Variants in FRMD4B observed in about 807,000 individuals in gnomAD.
FRMD4B encodes FERM domain-containing protein 4B.
FRMD4B carries 74 observed loss-of-function variants against 141.5 expected under a neutral mutation model. The ratio of observed to expected loss-of-function variants is 0.52; its 90% confidence interval spans 0.43 to 0.63. FRMD4B has a LOEUF of 0.63. FRMD4B is among the 30% of genes least tolerant of loss of function. FRMD4B has a pLI of 0.00. For missense variants in FRMD4B, 1,366 were observed against 1,253.4 expected (o/e 1.09, Z -1.36); for synonymous variants, 506 against 467.9 (o/e 1.08, Z -1.05).
chr3:69,267,646 G>T (rs1306587783), intron 5 of FRMD4B, among the ~76,000 whole-genome samples: 42 of 31,468 alleles, frequency 1.3e-3, no homozygotes, highest in Middle Eastern at 0.014. Context: ...TAGAGAGAGA[G>T]AGAGAGAGAG....
chr3:69,277,791 A>G lies in FRMD4B; in HGVS notation c.501+9961T>C, dbSNP rs370710848. Among the ~76,000 whole-genome samples the G allele has an allele frequency of 7.8e-4, 119 of 151,838 alleles. 2 individuals are homozygous for G. The highest frequency in any genetic ancestry group is 2.6e-3 in the African/African-American group (108 of 41,412). On this transcript the variant is annotated intron_variant, in intron 5 of 22. Coordinates refer to ENST00000398540, the MANE Select transcript of FRMD4B (RefSeq NM_015123.3). ...GTGATCCACCTGCCTTGGCCTCCCA[A>G]AGTGATGGGATTACAGGCGTGAGCC...
intron 11 of FRMD4B, among the ~76,000 whole-genome samples, chr3:69,203,047 T>C (rs1373792190): frequency 6.6e-6 from 1 of 151,678 alleles, no homozygotes; most frequent in East Asian, 1.9e-4. Flanking sequence ...TATAAAATAT[T>C]GTCATCACAA....
intron 4 of FRMD4B, among the ~76,000 whole-genome samples, chr3:69,292,100 C>A (rs1402887258): frequency 6.6e-6 from 1 of 152,012 alleles, no homozygotes; most frequent in African/African-American, 2.4e-5. Context: ...AGTTCATATT[C>A]CAAGTCAATA....
chr3:69,420,980 A>T (rs1048635602), intron 2 of FRMD4B, among the ~76,000 whole-genome samples: 1 of 152,178 alleles, frequency 6.6e-6, no homozygotes, highest in Admixed American at 6.5e-5. Flanking sequence ...GGGCCAGGGA[A>T]AGTTCAGGCC....
rs1299275158 is a variant in FRMD4B, at chr3:69,171,158, T to G, written c.*703A>C. On this transcript the variant is annotated 3_prime_UTR_variant, in exon 23 of 23. Coordinates refer to ENST00000398540, the MANE Select transcript of FRMD4B (RefSeq NM_015123.3). ...TCTCCAAGCAGACTTTGTCAATTATTCAGTGGGCTGCTTCATTTTCCCCAA... is the reference window on the plus strand; with the variant it reads ...TCTCCAAGCAGACTTTGTCAATTATGCAGTGGGCTGCTTCATTTTCCCCAA... The G allele has an allele frequency of 1.3e-5, 2 of 152,224 alleles. No individual in the cohort carries two copies. The highest frequency in any genetic ancestry group is 4.8e-5 in the African/African-American group (2 of 41,450). The allele number at this position is 152,224 out of a possible 1,614,324, so 9.4% of individuals were successfully genotyped here.
intron 1 of FRMD4B, among the ~76,000 whole-genome samples, chr3:69,367,987 T>C (rs969143791): frequency 2.6e-5 from 4 of 152,252 alleles, no homozygotes; most frequent in Non-Finnish European, 5.9e-5. Context: ...TTCACCTATA[T>C]GACATATATC....
Position 69,260,278 on chromosome 3 carries a change from A to G in FRMD4B, c.502-10179T>C, listed in dbSNP as rs1420182952. On this transcript the variant is annotated intron_variant, in intron 5 of 22. Coordinates refer to ENST00000398540, the MANE Select transcript of FRMD4B (RefSeq NM_015123.3). ...GGGGAGGTGTGGAGGGAGAGGCGCC[A>G]GCGGGAACCAGGGCTGTGCACCGTG... Among the ~76,000 whole-genome samples, 5 of 152,178 alleles carry G rather than the reference A, an allele frequency of 3.3e-5. No homozygotes were observed. The South Asian group carries it at 1.0e-3, about 31-fold the overall frequency.
intron 1 of FRMD4B, among the ~76,000 whole-genome samples, chr3:69,485,357 C>T (rs918776915): frequency 6.6e-6 from 1 of 152,210 alleles, no homozygotes; most frequent in African/African-American, 2.4e-5. Flanking sequence ...CCTGGATCTA[C>T]AGCCCCAGCT....
At chr3:69,478,000 T>C (rs1015097778) in intron 1 of FRMD4B, among the ~76,000 whole-genome samples, 1 of 152,138 alleles carries the variant, frequency 6.6e-6, no homozygotes, top group African/African-American at 2.4e-5. Context: ...GTAGAGGTGT[T>C]TGTAGTATTC....
intron 2 of FRMD4B, among the ~76,000 whole-genome samples, chr3:69,416,696 C>T (rs1427765970): frequency 2.0e-5 from 3 of 152,122 alleles, no homozygotes; most frequent in Non-Finnish European, 4.4e-5. Flanking sequence ...TGCTATCCAT[C>T]CCCTTGCCCC....
intron 1 of FRMD4B, among the ~76,000 whole-genome samples, chr3:69,316,397 C>A (rs1016824808): frequency 2.6e-5 from 4 of 151,890 alleles, no homozygotes; most frequent in African/African-American, 9.7e-5. Flanking sequence ...TGGCAACATC[C>A]CCATTTTACA....
intron 7 of FRMD4B, among the ~76,000 whole-genome samples, chr3:69,232,081 C>T (rs2093311304): frequency 1.3e-5 from 2 of 152,080 alleles, no homozygotes; most frequent in Admixed American, 1.3e-4. Context: ...GAGGGAGGGC[C>T]CAAAAGTAGT....
intron 7 of FRMD4B, among the ~76,000 whole-genome samples, chr3:69,240,482 C>CAAAAAAAAAAAAAAAAAAAA (rs11344881): frequency 1.4e-5 from 1 of 72,434 alleles, no homozygotes; most frequent in African/African-American, 5.6e-5. Flanking sequence ...GACTCTGTCT[C>CAAAAAAAAAAAAAAAAAAAA]AAAAAAAAAA....
intron 1 of FRMD4B, among the ~76,000 whole-genome samples, chr3:69,451,931 C>T (rs1705507865): frequency 6.6e-6 from 1 of 152,184 alleles, no homozygotes. Context: ...GAGAGACAAG[C>T]AGGGAAGGAG....
At chr3:69,365,619 A>G (rs1003135880) in intron 1 of FRMD4B, among the ~76,000 whole-genome samples, 1 of 151,590 alleles carries the variant, frequency 6.6e-6, no homozygotes, top group Admixed American at 6.6e-5. Context: ...CTCCTGCCTT[A>G]GCCTCTGAAT....
At chr3:69,228,206 G>C (rs1259857549) in intron 7 of FRMD4B, among the ~76,000 whole-genome samples, 1 of 152,176 alleles carries the variant, frequency 6.6e-6, no homozygotes, top group African/African-American at 2.4e-5. Context: ...TGTCAATAGT[G>C]CTGAGATTGA....
rs927249312 is a variant in FRMD4B, at chr3:69,198,627, T to A, written c.953+71A>T. The A allele has an allele frequency of 5.2e-6, 4 of 764,388 alleles. No individual in the cohort carries two copies. The East Asian group carries it at 8.0e-5, about 15-fold the overall frequency. The allele number at this position is 764,388 out of a possible 1,614,324, so 47.4% of individuals were successfully genotyped here. On this transcript the variant is annotated intron_variant, in intron 12 of 22. Coordinates refer to ENST00000398540, the MANE Select transcript of FRMD4B (RefSeq NM_015123.3). Reference sequence around the variant, plus strand: ...AAACATATGTTCATATAAAAACTTGTACACAAATGTTGATAGCAGCGTTAT... The same window carrying A: ...AAACATATGTTCATATAAAAACTTGAACACAAATGTTGATAGCAGCGTTAT...
At chr3:69,510,785 CACA>C (rs1706674601) in intron 1 of FRMD4B, among the ~76,000 whole-genome samples, 1 of 152,206 alleles carries the variant, frequency 6.6e-6, no homozygotes, top group Non-Finnish European at 1.5e-5. Context: ...ACATACAGGG[CACA>C]ACAAGCATTC....
intron 1 of FRMD4B, among the ~76,000 whole-genome samples, chr3:69,519,251 G>A (rs974787704): frequency 2.6e-5 from 4 of 152,224 alleles, no homozygotes; most frequent in Non-Finnish European, 4.4e-5. Flanking sequence ...CCTCAGGGAT[G>A]AGTGGGAATT....
Sources: gnomAD v4.1 joint callset for allele counts (sites outside exome capture counted in the v4.1 genomes callset) on GRCh38, gnomAD v4.1.1 for gene constraint, MANE v1.5 for transcripts, NCBI Gene and HGNC (gene_info 2026-07-23, HGNC 2026-07-21) for gene names.